Variants in APOBEC3B observed in about 807,000 individuals in gnomAD.
APOBEC3B encodes the protein apolipoprotein B mRNA editing enzyme catalytic subunit 3B.
In APOBEC3B, 29 loss-of-function variants were observed where a neutral mutation model predicts 53.4. That is an observed-to-expected ratio of 0.54 (90% CI 0.40 to 0.74). The LOEUF (loss-of-function observed/expected upper bound fraction) is 0.74. APOBEC3B is among the 30% of genes least tolerant of loss of function. APOBEC3B has a pLI of 0.00. For missense variants in APOBEC3B, 347 were observed against 496.2 expected, an observed-to-expected ratio of 0.70 and a Z score of 2.86; for synonymous variants, 132 against 184.8, an observed-to-expected ratio of 0.71 and a Z score of 2.32.
intron 5 of APOBEC3B, among the ~76,000 whole-genome samples, chr22:38,990,505 C>T (rs1007789196): frequency 6.8e-6 from 1 of 147,866 alleles, no homozygotes; most frequent in African/African-American, 2.5e-5. Flanking sequence ...GTGGAAAATC[C>T]TTTTCTCTGA....
intron 4 of APOBEC3B, among the ~76,000 whole-genome samples, chr22:38,987,119 C>T (rs529159736): frequency 2.0e-5 from 3 of 148,870 alleles, no homozygotes; most frequent in African/African-American, 4.9e-5. Flanking sequence ...AGAATCCAAA[C>T]CCAGGACTAA....
intron 4 of APOBEC3B, among the ~76,000 whole-genome samples, chr22:38,988,691 T>TCTCTCTCTCTCTCTCTCTCTCTCTC: frequency 1.1e-5 from 1 of 87,948 alleles, no homozygotes; most frequent in South Asian, 5.4e-4. Flanking sequence ...TTCTCTTTCT[T>TCTCTCTCTCTCTCTCTCTCTCTCTC]TCTTTCTTTC....
intron 2 of APOBEC3B, 30 bp from the exon 3 acceptor site, chr22:38,985,782 A>T: frequency 3.2e-6 from 5 of 1,563,764 alleles, no homozygotes; most frequent in Non-Finnish European, 3.5e-6. Context: ...CCCCTCTCAG[A>T]GCATCCCCTG....
At chr22:38,983,413 T>C (rs1057334472) in intron 1 of APOBEC3B, among the ~76,000 whole-genome samples, 2 of 148,522 alleles carry the variant, frequency 1.3e-5, no homozygotes, top group Admixed American at 1.4e-4. Context: ...TAAAATTTAG[T>C]GAAAAGAGAG....
Position 38,988,812 on chromosome 22 carries a change from G to A in APOBEC3B, c.570-645G>A, listed in dbSNP as rs571623229. Among the ~76,000 whole-genome samples, 13 of 142,110 alleles carry A rather than the reference G, an allele frequency of 9.1e-5. 1 individual carries two copies. Among genetic ancestry groups the A allele is most frequent in the Admixed American group, 3.7e-4 (5 of 13,352 alleles). The allele number at this position is 142,110 out of a possible 152,430, so 93.2% of individuals were successfully genotyped here. A position where few individuals can be genotyped will look rare whatever the true frequency, so the allele number is the denominator to read the frequency against. On this transcript the variant is annotated intron_variant, in intron 4 of 7. Coordinates refer to ENST00000333467, the MANE Select transcript of APOBEC3B (RefSeq NM_004900.5). ...CCAAACAGAGATTTTTCTAATTCTG[G>A]TTTTGTCAGGATGTCTACAGAGGGG... is the stretch of plus-strand genomic sequence containing the variant.
chr22:38,986,494 G>A, intron 4 of APOBEC3B, 82 bp downstream of exon 4: 5 of 1,340,644 alleles, frequency 3.7e-6, no homozygotes, highest in Non-Finnish European at 4.9e-6. Context: ...TGGCCCTCCC[G>A]CCCTCCCTCT....
At position 38,992,000 on chromosome 22, in the gene APOBEC3B, A is replaced by G. The variant is rs761842768; in HGVS notation, c.1019-34A>G. On this transcript the variant is annotated intron_variant, in intron 6 of 7. Transcript: ENST00000333467. ...CTTGGTGCTGCCCCCTCCCCACAAC[A>G]GGAGCGTGACTTATCTCCCCTGTCC... 6.8e-4 allele frequency: 1,042 copies of G among 1,535,246 alleles called. 237 individuals carry two copies. In the East Asian group the frequency reaches 0.026, roughly 38 times the overall value.
At position 38,984,252 on chromosome 22, in the gene APOBEC3B, G is replaced by A. The variant is rs111887063; in HGVS notation, c.174+21G>A. ...GCCAGGTACCACCCAAACTTCAATCGAATCACAGGCAGTGTTGCAGGAATT... is the reference window on the plus strand; with the variant it reads ...GCCAGGTACCACCCAAACTTCAATCAAATCACAGGCAGTGTTGCAGGAATT... On this transcript the variant is annotated intron_variant, in intron 2 of 7. Coordinates refer to ENST00000333467, the MANE Select transcript of APOBEC3B (RefSeq NM_004900.5). The A allele has an allele frequency of 4.4e-4, 704 of 1,587,294 alleles. 74 individuals are homozygous for A. The South Asian group carries it at 4.8e-3, about 11-fold the overall frequency.
Position 38,992,014 on chromosome 22 carries a change from T to G in APOBEC3B, c.1019-20T>G. The G allele has an allele frequency of 6.4e-7, 1 of 1,558,894 alleles. No homozygotes were observed. On this transcript the variant is annotated intron_variant, in intron 6 of 7. Coordinates refer to ENST00000333467, the MANE Select transcript of APOBEC3B (RefSeq NM_004900.5). The stretch of plus-strand genomic sequence containing the variant: ...CTCCCCACAACAGGAGCGTGACTTA[T>G]CTCCCCTGTCCCTTTTCAGAGTTTG...
At position 38,985,820 on chromosome 22, in the gene APOBEC3B, C is replaced by T. The variant is rs1478166831; in HGVS notation, c.183C>T (p.Phe61=). Residue 61 remains phenylalanine (F), a synonymous_variant, in exon 3 of 8, where the codon TTC becomes TTT. Transcript: ENST00000333467. ...DTGVFRGQVY[F]KPQYHAEMCF... ...CCCTGCTCCTCTCCCAGGTGTATTT[C>T]AAGCCTCAGTACCACGCAGAAATGT... The T allele has an allele frequency of 1.1e-5, 17 of 1,590,198 alleles. No homozygotes were observed. The highest frequency in any genetic ancestry group is 1.3e-5 in the Non-Finnish European group (15 of 1,171,270).
intron 4 of APOBEC3B, among the ~76,000 whole-genome samples, chr22:38,988,690 T>TC (rs1289836227): frequency 1.1e-3 from 119 of 105,748 alleles, no homozygotes; most frequent in South Asian, 1.6e-3. Context: ...TTTCTCTTTC[T>TC]TTCTTTCTTT....
In APOBEC3B at chr22:38,991,584, C is replaced by A; in HGVS notation, c.976C>A (p.Leu326Met). 6.6e-7 allele frequency: 1 copy of A among 1,525,446 alleles called. No homozygotes were observed. Among genetic ancestry groups the A allele is most frequent in the Non-Finnish European group, 8.8e-7 (1 of 1,130,162 alleles). The allele number at this position is 1,525,446 out of a possible 1,614,324, so 94.5% of individuals were successfully genotyped here. Residue 326 changes from leucine (L) to methionine (M), a missense_variant, in exon 6 of 8, where the codon CTG becomes ATG. Coordinates refer to ENST00000333467, the MANE Select transcript of APOBEC3B (RefSeq NM_004900.5). ...DPLYKEALQM[L>M]RDAGAQVSIM... Reference sequence around the variant, plus strand: ...CCTATATAAGGAGGCGCTGCAAATGCTGCGGGATGCTGGGGCCCAAGTCTC... The same window carrying A: ...CCTATATAAGGAGGCGCTGCAAATGATGCGGGATGCTGGGGCCCAAGTCTC...
chr22:38,986,902 T>C (rs1487176736), intron 4 of APOBEC3B, among the ~76,000 whole-genome samples: 4 of 145,888 alleles, frequency 2.7e-5, no homozygotes, highest in Non-Finnish European at 4.5e-5. Flanking sequence ...TGCCCCTGAC[T>C]CTCCCTCACT....
chr22:38,989,666 A>G (rs1923912566), intron 5 of APOBEC3B, 56 bp downstream of exon 5: 2 of 1,476,690 alleles, frequency 1.4e-6, no homozygotes, highest in African/African-American at 2.8e-5. Flanking sequence ...AGGGACACTC[A>G]TAGATAGAAG....
In APOBEC3B at chr22:38,982,538, C is replaced by G; in HGVS notation, c.17+68C>G. ...CCTGCCTGGTGGTCCTGCTGGGCCT[C>G]AACCCTGGCCTCCCCCCGCCCCTGC... On this transcript the variant is annotated intron_variant, in intron 1 of 7. Coordinates refer to ENST00000333467, the MANE Select transcript of APOBEC3B (RefSeq NM_004900.5). 2.6e-6 allele frequency: 4 copies of G among 1,561,488 alleles called. 1 individual carries two copies. The highest frequency in any genetic ancestry group is 2.3e-5 in the South Asian group (2 of 87,502).
At position 38,986,378 on chromosome 22, in the gene APOBEC3B, G is replaced by T. The variant is rs1923740858; in HGVS notation, c.535G>T (p.Ala179Ser). The T allele has an allele frequency of 1.3e-6, 2 of 1,593,898 alleles. 1 individual carries two copies. Among genetic ancestry groups the T allele is most frequent in the East Asian group, 5.0e-5 (2 of 40,346 alleles). ...MPWYKFDENY[A>S]FLHRTLKEIL... The stretch of plus-strand genomic sequence containing the variant: ...TTGGTACAAATTCGATGAAAATTAT[G>T]CATTCCTGCACCGCACGCTAAAGGA... The change falls in exon 4 of 8, where the codon GCA becomes TCA. Residue 179 changes from alanine (A) to serine (S), a missense_variant. Around this residue, in one of 5 missense-constraint regions of APOBEC3B, gnomAD observed 156 missense variants for 166.7 expected, o/e 0.94. Coordinates refer to ENST00000333467, the MANE Select transcript of APOBEC3B (RefSeq NM_004900.5).
intron 4 of APOBEC3B, among the ~76,000 whole-genome samples, chr22:38,988,028 G>C (rs1375331295): frequency 6.7e-6 from 1 of 148,448 alleles, no homozygotes; most frequent in Non-Finnish European, 1.5e-5. Context: ...AACCCGGGAG[G>C]GACAGCAGTG....
chr22:38,987,109 A>G (rs1923772429), intron 4 of APOBEC3B, among the ~76,000 whole-genome samples: 2 of 148,936 alleles, frequency 1.3e-5, no homozygotes, highest in Non-Finnish European at 3.0e-5. Context: ...AGATAGAAAT[A>G]GAATCCAAAC....
Position 38,984,166 on chromosome 22 carries a change from T to G in APOBEC3B, c.109T>G (p.Tyr37Asp). ...LYGRSYTWLCYEVKIKRGRSN... is the reference protein window; with the variant it reads ...LYGRSYTWLCDEVKIKRGRSN... The stretch of plus-strand genomic sequence containing the variant: ...TGGTCGGAGCTACACTTGGCTGTGC[T>G]ATGAAGTGAAAATAAAGAGGGGCCG... The change falls in exon 2 of 8, where the codon TAT becomes GAT. Residue 37 changes from tyrosine (Y) to aspartate (D), a missense_variant. Physicochemically the swap from Tyr to Asp is radical, Grantham distance 160. This residue lies in a region of APOBEC3B where 73 missense variants were observed against 90.9 expected (regional missense o/e 0.80). Coordinates refer to ENST00000333467, the MANE Select transcript of APOBEC3B (RefSeq NM_004900.5). The G allele has an allele frequency of 6.3e-7, 1 of 1,592,838 alleles. No individual in the cohort carries two copies. The highest frequency in any genetic ancestry group is 8.5e-7 in the Non-Finnish European group (1 of 1,172,394).
Sources: gnomAD v4.1 joint callset for allele counts (sites outside exome capture counted in the v4.1 genomes callset) on GRCh38, gnomAD v4.1.1 for gene constraint, gnomAD v4.1.1 regional missense constraint, MANE v1.5 for transcripts, NCBI Gene and HGNC (gene_info 2026-07-23, HGNC 2026-07-21) for gene names.